PDSS1: variants seen among roughly 807,000 people sequenced by gnomAD.
PDSS1 encodes decaprenyl diphosphate synthase subunit 1.
A neutral mutation model predicts 57.5 loss-of-function variants in PDSS1; 43 were observed. The ratio of observed to expected loss-of-function variants is 0.75; its 90% CI spans 0.59 to 0.96. PDSS1 has a LOEUF of 0.96. Ranked by LOEUF, PDSS1 falls within the 50% of genes least tolerant of loss-of-function variation. The pLI is 0.00. For missense variants in PDSS1, 438 were observed against 527.8 expected (o/e 0.83, Z 1.67); for synonymous variants, 175 against 191.3 (o/e 0.91, Z 0.70).
chr10:26,724,040 G>C lies in PDSS1; in HGVS notation c.748G>C (p.Glu250Gln), dbSNP rs1243361887. The C allele has an allele frequency of 1.9e-6, 3 of 1,614,032 alleles. No individual in the cohort carries two copies. The highest frequency in any genetic ancestry group is 2.5e-6 in the Non-Finnish European group (3 of 1,179,946). Residue 250 changes from glutamate to glutamine, a missense_variant, in exon 8 of 12, where the codon GAA becomes CAA. By Grantham distance (29) the Glu-to-Gln change is conservative. Around this residue, in one of 2 missense-constraint regions of PDSS1, gnomAD observed 284 missense variants for 390.7 expected, o/e 0.73. Coordinates refer to ENST00000376215, the MANE Select transcript of PDSS1 (RefSeq NM_014317.5). ...RGEFLQLGSK[E>Q]NENERFAHYL... ...TGAATTTCTTCAGCTCGGGTCAAAA[G>C]AAAATGAGAATGAAAGATTTGCACA...
intron 3 of PDSS1, 52 bp downstream of exon 3, chr10:26,704,793 ATTG>A (rs1181990667): frequency 9.7e-7 from 1 of 1,029,228 alleles, no homozygotes; most frequent in Non-Finnish European, 1.5e-6. Flanking sequence ...TTTTAAATTT[ATTG>A]TTGTTTAAAA....
chr10:26,697,751 T>C lies in PDSS1; in HGVS notation c.40T>C (p.Trp14Arg). 1.5e-6 allele frequency: 2 copies of C among 1,293,500 alleles called. No individual in the cohort carries two copies. Among genetic ancestry groups the C allele is most frequent in the South Asian group, 2.5e-5 (1 of 40,650 alleles). 80.1% of individuals were successfully genotyped at this position (1,293,500 alleles called of 1,614,324 possible). A position where few individuals can be genotyped will look rare whatever the true frequency, so the allele number is the denominator to read the frequency against. ...GTGGCGGTGGCGGCGCGGCTGCTCC[T>C]GGAAGCCGGCGGCGCGGAGCCCCGG... ...RWWRWRRGCS[W>R]KPAARSPGPG... The change falls in exon 1 of 12, where the codon TGG (tryptophan) becomes CGG (arginine). Residue 14 changes from tryptophan (W) to arginine (R), a missense_variant. Physicochemically the swap from Trp to Arg is moderately radical, Grantham distance 101. Around this residue, in one of 2 missense-constraint regions of PDSS1, gnomAD observed 154 missense variants for 137.0 expected, o/e 1.12. Transcript: ENST00000376215.
At chr10:26,725,552 A>C (rs1835924322) in intron 8 of PDSS1, among the ~76,000 whole-genome samples, 2 of 152,148 alleles carry the variant, frequency 1.3e-5, no homozygotes. Flanking sequence ...GAAAGTATAG[A>C]CACGAGATGC....
At chr10:26,740,728 A>G (rs1236471004) in intron 10 of PDSS1, 1 of 456,672 alleles carries the variant, frequency 2.2e-6, no homozygotes, top group Non-Finnish European at 4.4e-6. Context: ...CCGTGGAGCC[A>G]TAGACTGTTA....
At chr10:26,725,984 C>CCAAGA (rs1231787857) in intron 8 of PDSS1, among the ~76,000 whole-genome samples, 1 of 152,136 alleles carries the variant, frequency 6.6e-6, no homozygotes, top group African/African-American at 2.4e-5. Context: ...ATTGGAAACA[C>CCAAGA]CAAGACTTAC....
At chr10:26,735,640 C>T (rs752844379) in intron 10 of PDSS1, 61 bp downstream of exon 10, 90 of 924,012 alleles carry the variant, frequency 9.7e-5, no homozygotes, top group Admixed American at 2.8e-4. Context: ...TGATGTCCCG[C>T]GGCACAGCTG....
At position 26,712,371 on chromosome 10, in the gene PDSS1, A is replaced by G. The variant is rs1164995823; in HGVS notation, c.467+2603A>G. On this transcript the variant is annotated intron_variant, in intron 5 of 11. Transcript: ENST00000376215. ...TTAGTTGCAGAAAACATAGGAGAAT[A>G]TAACAAAAGCCATTGCTAGTTTAAA... Among the ~76,000 whole-genome samples the G allele has an allele frequency of 2.0e-5, 2 of 100,246 alleles. 1 individual carries two copies. The highest frequency in any genetic ancestry group is 6.5e-5 in the African/African-American group (2 of 30,928). The allele number at this position is 100,246 out of a possible 152,430, so 65.8% of individuals were successfully genotyped here. A position where few individuals can be genotyped will look rare whatever the true frequency, so the allele number is the denominator to read the frequency against.
intron 10 of PDSS1, chr10:26,740,676 G>GT (rs1174405492): frequency 2.2e-6 from 1 of 456,596 alleles, no homozygotes; most frequent in Non-Finnish European, 4.4e-6. Flanking sequence ...GGCAGCTGCT[G>GT]TAAGCACTGA....
At position 26,710,629 on chromosome 10, in the gene PDSS1, T is replaced by A. The variant is rs1458978947; in HGVS notation, c.467+861T>A. Among the ~76,000 whole-genome samples, 2 of 97,824 alleles carry A rather than the reference T, an allele frequency of 2.0e-5. 1 individual carries two copies. The highest frequency in any genetic ancestry group is 4.7e-5 in the Non-Finnish European group (2 of 42,200). The allele number at this position is 97,824 out of a possible 152,430, so 64.2% of individuals were successfully genotyped here. On this transcript the variant is annotated intron_variant, in intron 5 of 11. Transcript: ENST00000376215. Reference sequence around the variant, plus strand: ...TGCTGGGATTACAGGCGTGAGCCACTGTGCCCAGCCCATAAAGCTCTTTTT... The same window carrying A: ...TGCTGGGATTACAGGCGTGAGCCACAGTGCCCAGCCCATAAAGCTCTTTTT...
At chr10:26,722,148 G>A (rs540468009) in intron 6 of PDSS1, among the ~76,000 whole-genome samples, 3 of 152,280 alleles carry the variant, frequency 2.0e-5, no homozygotes, top group South Asian at 2.1e-4. Flanking sequence ...AAAGGATCCC[G>A]AGCCTTGAGC....
intron 8 of PDSS1, chr10:26,734,570 G>A (rs1232176280): frequency 2.2e-5 from 9 of 407,950 alleles, no homozygotes; most frequent in Non-Finnish European, 3.9e-5. Flanking sequence ...GAGGGAAAAG[G>A]GTTTTTATAC....
At chr10:26,709,539 C>A in intron 4 of PDSS1, 99 bp from the exon 5 acceptor site, 1 of 1,216,820 alleles carries the variant, frequency 8.2e-7, no homozygotes, top group Non-Finnish European at 1.2e-6. Flanking sequence ...CCAGTCTGGG[C>A]AACAAGAGCG....
chr10:26,734,809 G>A (rs1264508985), intron 8 of PDSS1: 4 of 456,034 alleles, frequency 8.8e-6, no homozygotes, highest in Admixed American at 2.4e-5. Flanking sequence ...CTGAAATGAG[G>A]GATACATTGA....
chr10:26,707,983 G>T (rs1835297961), intron 4 of PDSS1, among the ~76,000 whole-genome samples: 1 of 152,196 alleles, frequency 6.6e-6, no homozygotes, highest in Non-Finnish European at 1.5e-5. Flanking sequence ...GCAATTCCAT[G>T]CCCCTGGTCC....
chr10:26,738,492 C>G (rs1165828193), intron 10 of PDSS1, among the ~76,000 whole-genome samples: 3 of 152,236 alleles, frequency 2.0e-5, no homozygotes, highest in Non-Finnish European at 4.4e-5. Context: ...GAGCAGGTAA[C>G]TAACCCACCT....
At position 26,724,032 on chromosome 10, in the gene PDSS1, G is replaced by T. The variant is rs1315207621; in HGVS notation, c.740G>T (p.Gly247Val). 6.2e-7 allele frequency: 1 copy of T among 1,613,752 alleles called. No homozygotes were observed. Among genetic ancestry groups the T allele is most frequent in the Non-Finnish European group, 8.5e-7 (1 of 1,179,790 alleles). ...DLVRGEFLQLGSKENENERFA... is the reference protein window; with the variant it reads ...DLVRGEFLQLVSKENENERFA... ...TTTATAGGTGAATTTCTTCAGCTCG[G>T]GTCAAAAGAAAATGAGAATGAAAGA... The change falls in exon 8 of 12, where the codon GGG (glycine) becomes GTG (valine). Residue 247 changes from glycine to valine, a missense_variant. Transcript: ENST00000376215.
At chr10:26,718,130 A>G (rs1236508393) in intron 5 of PDSS1, 1 of 151,922 alleles carries the variant, frequency 6.6e-6, no homozygotes, top group Non-Finnish European at 1.5e-5. Context: ...TGCAACCTCC[A>G]CTTCCCGGCT....
At position 26,705,330 on chromosome 10, in the gene PDSS1, A is replaced by G; in HGVS notation, c.272A>G (p.Lys91Arg). 1.2e-6 allele frequency: 2 copies of G among 1,613,264 alleles called. No individual in the cohort carries two copies. Among genetic ancestry groups the G allele is most frequent in the Non-Finnish European group, 1.7e-6 (2 of 1,179,386 alleles). ...GACAGTAAAACACACAGTGGTGAAA[A>G]ATACACCGATCCTTTCAAACTCGGT... ...TPDSKTHSGE[K>R]YTDPFKLGWR... The change falls in exon 4 of 12, where the codon AAA becomes AGA. Residue 91 changes from lysine (K) to arginine (R), a missense_variant. By Grantham distance (26) the Lys-to-Arg change is conservative. Around this residue, in one of 2 missense-constraint regions of PDSS1, gnomAD observed 154 missense variants for 137.0 expected, o/e 1.12. Coordinates refer to ENST00000376215, the MANE Select transcript of PDSS1 (RefSeq NM_014317.5).
intron 5 of PDSS1, chr10:26,718,650 A>G (rs1411467906): frequency 6.6e-6 from 1 of 151,564 alleles, no homozygotes; most frequent in Non-Finnish European, 1.5e-5. Context: ...AATCCAAGCT[A>G]CTTGGGAGGC....
Sources: gnomAD v4.1 joint callset for allele counts (sites outside exome capture counted in the v4.1 genomes callset) on GRCh38, gnomAD v4.1.1 for gene constraint, gnomAD v4.1.1 regional missense constraint, MANE v1.5 for transcripts, NCBI Gene and HGNC (gene_info 2026-07-23, HGNC 2026-07-21) for gene names.